Variants in AHDC1 observed in about 807,000 individuals in gnomAD.
The protein encoded by AHDC1 is transcription factor Gibbin.
In AHDC1, 7 loss-of-function variants were observed where a neutral mutation model predicts 87.9. That is an observed-to-expected ratio of 0.08 (90% confidence interval 0.05 to 0.15). The LOEUF is 0.15. AHDC1 is among the 10% of genes least tolerant of loss of function. The pLI is 1.00. For synonymous variants in AHDC1, 1,051 were observed against 1,006.8 expected (o/e 1.04, Z -0.83); for missense variants, 1,841 against 2,253.2 (o/e 0.82, Z 3.70).
chr1:27,542,784 G>C (rs1036086957), intron 8 of AHDC1, among the ~76,000 whole-genome samples: 3 of 152,204 alleles, frequency 2.0e-5, no homozygotes, highest in Non-Finnish European at 4.4e-5. Context: ...AAAGAAGAAG[G>C]GTGAGTCGGT....
rs777977932 is a variant in AHDC1, at chr1:27,548,485, C to A, written c.3631G>T (p.Ala1211Ser). The stretch of plus-strand genomic sequence containing the variant: ...CAGTTGTAGCCGGGGGCAGATGATG[C>A]CTCGTTCCAGTCCATCATCAGTTTC... The part of the protein sequence containing the change: ...LEKLMMDWNE[A>S]SSAPGYNWNQ... Residue 1211 changes from alanine to serine, a missense_variant, in exon 8 of 9, where the codon GCA becomes TCA. Physicochemically the swap from Ala to Ser is moderately conservative, Grantham distance 99. Transcript: ENST00000673934. 7 of 1,613,774 alleles carry A rather than the reference C, an allele frequency of 4.3e-6. No homozygotes were observed. Among genetic ancestry groups the A allele is most frequent in the South Asian group, 1.1e-5 (1 of 91,082 alleles).
At chr1:27,599,480 G>A (rs1237724896) in intron 3 of AHDC1, among the ~76,000 whole-genome samples, 1 of 152,190 alleles carries the variant, frequency 6.6e-6, no homozygotes, top group Non-Finnish European at 1.5e-5. Context: ...ACTCCCAGGA[G>A]GCCCCCTGCA....
chr1:27,556,139 C>A (rs932273303), intron 5 of AHDC1, among the ~76,000 whole-genome samples: 1 of 152,060 alleles, frequency 6.6e-6, no homozygotes, highest in Admixed American at 6.5e-5. Context: ...GTGCACAGTG[C>A]CGGGAAGCGC....
chr1:27,546,893 C>A (rs1027396748), intron 8 of AHDC1, among the ~76,000 whole-genome samples: 1 of 152,154 alleles, frequency 6.6e-6, no homozygotes. Flanking sequence ...AAATGCCCAC[C>A]CTTATCAGCG....
intron 3 of AHDC1, among the ~76,000 whole-genome samples, chr1:27,592,452 C>G (rs1415662333): frequency 6.6e-6 from 1 of 152,204 alleles, no homozygotes; most frequent in Non-Finnish European, 1.5e-5. Flanking sequence ...GAGGAGAAGA[C>G]CACAGGGGTG....
Position 27,549,267 on chromosome 1 carries a change from G to A in AHDC1, c.2849C>T (p.Pro950Leu), listed in dbSNP as rs375179294. 37 of 1,603,112 alleles carry A rather than the reference G, an allele frequency of 2.3e-5. No individual in the cohort carries two copies. The East Asian group carries it at 3.6e-4, about 16-fold the overall frequency. Residue 950 changes from proline to leucine, a missense_variant, in exon 8 of 9, where the codon CCG becomes CTG. Around this residue, in one of 13 missense-constraint regions of AHDC1, gnomAD observed 378 missense variants for 399.0 expected, o/e 0.95. Transcript: ENST00000673934. The part of the protein sequence containing the change: ...AAETFPKLVP[P>L]PSAMARSPTT... The stretch of plus-strand genomic sequence containing the variant: ...AGGTGAGCGGGCCATGGCTGAGGGC[G>A]GGGGCACCAGCTTGGGGAAGGTCTC...
chr1:27,549,859 C>G lies in AHDC1; in HGVS notation c.2257G>C (p.Glu753Gln). Residue 753 changes from glutamate to glutamine, a missense_variant, in exon 8 of 9, where the codon GAG becomes CAG. By Grantham distance (29) the Glu-to-Gln change is conservative (BLOSUM62 2). Coordinates refer to ENST00000673934, the MANE Select transcript of AHDC1 (RefSeq NM_001371928.1). Reference sequence around the variant, plus strand: ...AAGCCTGGGCCACTGGGCACCTGCTCTGGGAACAGAGTCCCATTCTTCCGG... The same window carrying G: ...AAGCCTGGGCCACTGGGCACCTGCTGTGGGAACAGAGTCCCATTCTTCCGG... ...RSRKNGTLFP[E>Q]QVPSGPGFGE... The G allele has an allele frequency of 6.2e-7, 1 of 1,613,380 alleles. No individual in the cohort carries two copies. Among genetic ancestry groups the G allele is most frequent in the Middle Eastern group, 1.7e-4 (1 of 6,060 alleles).
In AHDC1 at chr1:27,595,475, T is replaced by C. The variant is rs890001893; in HGVS notation, c.-629+7922A>G. ...CTGTGTGTGTGTGTGTGTGTGATTG[T>C]GTGTGTGTTGGGGTGTTTAGGGATG... On this transcript the variant is annotated intron_variant, in intron 3 of 8. Coordinates refer to ENST00000673934, the MANE Select transcript of AHDC1 (RefSeq NM_001371928.1). The surrounding 1 kb of genome is among the most constrained non-coding windows in gnomAD (Gnocchi z 4.0). Among the ~76,000 whole-genome samples the C allele has an allele frequency of 3.3e-5, 5 of 151,258 alleles. No individual in the cohort carries two copies. The highest frequency in any genetic ancestry group is 7.4e-5 in the Non-Finnish European group (5 of 67,796).
intron 8 of AHDC1, among the ~76,000 whole-genome samples, chr1:27,541,173 T>C (rs2018899329): frequency 1.3e-5 from 2 of 151,944 alleles, no homozygotes; most frequent in African/African-American, 4.8e-5. Context: ...AGTCTCAAAT[T>C]TGTCAAGACC....
At chr1:27,575,418 G>C (rs534824763) in intron 3 of AHDC1, among the ~76,000 whole-genome samples, 2 of 152,276 alleles carry the variant, frequency 1.3e-5, no homozygotes, top group South Asian at 2.1e-4. Context: ...GAGGAGGCGA[G>C]GGGTGCTCTC....
intron 3 of AHDC1, among the ~76,000 whole-genome samples, chr1:27,592,657 T>C (rs1459997648): frequency 7.0e-6 from 1 of 143,840 alleles, no homozygotes; most frequent in Non-Finnish European, 1.5e-5. Flanking sequence ...AGGAGGGGGC[T>C]CCCCAGCTGG....
intron 3 of AHDC1, among the ~76,000 whole-genome samples, chr1:27,599,614 G>A (rs374957751): frequency 8.5e-5 from 13 of 152,268 alleles, no homozygotes; most frequent in South Asian, 2.1e-4. Context: ...GCTTTCTCTC[G>A]TCAAACAAGT....
At chr1:27,576,484 T>C (rs1051529467) in intron 3 of AHDC1, among the ~76,000 whole-genome samples, 1 of 152,214 alleles carries the variant, frequency 6.6e-6, no homozygotes, top group African/African-American at 2.4e-5. Context: ...AACTCAATTA[T>C]AAGGCCTCCA....
intron 5 of AHDC1, among the ~76,000 whole-genome samples, chr1:27,555,870 TCCTCCTGCCAGG>T (rs1418067720): frequency 2.6e-5 from 4 of 152,008 alleles, no homozygotes; most frequent in African/African-American, 9.7e-5. Context: ...TCTGGGCACG[TCCTCCTGCCAGG>T]CCTCCTGAGG....
intron 8 of AHDC1, among the ~76,000 whole-genome samples, chr1:27,537,490 G>A (rs779308868): frequency 3.9e-5 from 6 of 152,162 alleles, no homozygotes; most frequent in Non-Finnish European, 7.4e-5. Context: ...CAAGACGTAC[G>A]CTGACTGAGT....
Position 27,565,217 on chromosome 1 carries a change from C to T in AHDC1, c.-628-6334G>A, listed in dbSNP as rs2020267654. Among the ~76,000 whole-genome samples the T allele has an allele frequency of 6.6e-6, 1 of 151,496 alleles. No homozygotes were observed. The highest frequency in any genetic ancestry group is 2.1e-4 in the South Asian group (1 of 4,782). ...GAGGGGGCCCAGCATGCCTTGCGTGCAACCTGCCTCCCCCAGGCACCCCTA... is the reference window on the plus strand; with the variant it reads ...GAGGGGGCCCAGCATGCCTTGCGTGTAACCTGCCTCCCCCAGGCACCCCTA... On this transcript the variant is annotated intron_variant, in intron 3 of 8. Coordinates refer to ENST00000673934, the MANE Select transcript of AHDC1 (RefSeq NM_001371928.1). The surrounding 1 kb of genome is among the most constrained non-coding windows in gnomAD (Gnocchi z 4.6).
intron 3 of AHDC1, among the ~76,000 whole-genome samples, chr1:27,602,581 C>A (rs976886308): frequency 5.9e-5 from 9 of 152,280 alleles, no homozygotes; most frequent in Admixed American, 1.3e-4. Flanking sequence ...CCTCAAGCAG[C>A]GAGCAGAGAT....
intron 3 of AHDC1, among the ~76,000 whole-genome samples, chr1:27,589,648 G>C (rs1477561129): frequency 6.6e-6 from 1 of 152,164 alleles, no homozygotes; most frequent in Non-Finnish European, 1.5e-5. Flanking sequence ...GTAGTATGGA[G>C]ATGCTTATCT....
At chr1:27,546,471 A>G (rs1468725344) in intron 8 of AHDC1, among the ~76,000 whole-genome samples, 4 of 152,204 alleles carry the variant, frequency 2.6e-5, no homozygotes, top group Non-Finnish European at 5.9e-5. Context: ...TGGCTTCAGG[A>G]AAGGGACTGG....
Sources: gnomAD v4.1 joint callset for allele counts (sites outside exome capture counted in the v4.1 genomes callset) on GRCh38, gnomAD v4.1.1 for gene constraint, gnomAD v4.1.1 regional missense constraint, Gnocchi (gnomAD v3.1) non-coding constraint, MANE v1.5 for transcripts, NCBI Gene and HGNC (gene_info 2026-07-23, HGNC 2026-07-21) for gene names.